RALGAPA2: variants seen among roughly 807,000 people sequenced by gnomAD.
RALGAPA2 encodes the protein Ral GTPase activating protein catalytic subunit alpha 2.
In RALGAPA2, 139 loss-of-function variants were observed where a neutral mutation model predicts 230.4. The observed-to-expected ratio is 0.60, with a 90% CI of 0.53 to 0.69. The LOEUF (loss-of-function observed/expected upper bound fraction) is 0.69, where lower values mean the gene tolerates loss of function less well. Among genes scored for constraint, RALGAPA2 ranks in the 30% least tolerant of loss-of-function variants. RALGAPA2 has a pLI of 0.00. For missense variants in RALGAPA2, 2,163 were observed against 2,276.0 expected (o/e 0.95, Z 1.01); for synonymous variants, 847 against 837.8 (o/e 1.01, Z -0.19).
rs1485249425 is a variant in RALGAPA2 at position 20,620,868 on chromosome 20, C to T, written c.1234-238G>A. On this transcript the variant is annotated intron_variant, in intron 10 of 39. Coordinates refer to ENST00000202677, the MANE Select transcript of RALGAPA2 (RefSeq NM_020343.4). ...TTAAAAATAACTTTTATAGGCCGGGCGCAGTGGCTCACGCCTGTAATCCTA... is the reference window on the plus strand; with the variant it reads ...TTAAAAATAACTTTTATAGGCCGGGTGCAGTGGCTCACGCCTGTAATCCTA... 3.3e-5 allele frequency among the ~76,000 whole-genome samples: 5 copies of T among 152,116 alleles called. No homozygotes were observed. In the South Asian group the frequency reaches 8.3e-4, roughly 25 times the overall value.
intron 11 of RALGAPA2, 136 bp from the exon 12 acceptor site, chr20:20,619,550 G>T (rs2066257784): frequency 2.8e-6 from 2 of 706,324 alleles, no homozygotes; most frequent in South Asian, 6.7e-5. Context: ...AACTCACCAG[G>T]ATTCACATGA....
Position 20,398,039 on chromosome 20 carries a change from C to A in RALGAPA2, c.5618-1305G>T, listed in dbSNP as rs75919165. On this transcript the variant is annotated intron_variant, in intron 38 of 39. Transcript: ENST00000202677. The surrounding 1 kb of genome is among the most constrained non-coding windows in gnomAD (Gnocchi z 4.5). The stretch of plus-strand genomic sequence containing the variant: ...TCCATGGATCCTCGGGATGATTAAT[C>A]ATTTAGATTTCTGATTTCCCCCCAA... Among the ~76,000 whole-genome samples, 824 of 152,248 alleles carry A rather than the reference C, an allele frequency of 5.4e-3. 11 individuals carry two copies. Among genetic ancestry groups the A allele is most frequent in the African/African-American group, 0.019 (783 of 41,550 alleles).
chr20:20,537,779 G>T (rs1602698005), intron 24 of RALGAPA2, among the ~76,000 whole-genome samples: 1 of 152,260 alleles, frequency 6.6e-6, no homozygotes, highest in East Asian at 1.9e-4. Flanking sequence ...AACAATGAAA[G>T]CTCACATTTA....
intron 1 of RALGAPA2, among the ~76,000 whole-genome samples, chr20:20,683,971 T>A (rs2146857643): frequency 6.6e-6 from 1 of 152,348 alleles, no homozygotes; most frequent in East Asian, 1.9e-4. Flanking sequence ...ATGTAACTTC[T>A]GAGCACATGC....
At chr20:20,499,660 G>A (rs1047871117) in intron 35 of RALGAPA2, among the ~76,000 whole-genome samples, 1 of 152,184 alleles carries the variant, frequency 6.6e-6, no homozygotes, top group Non-Finnish European at 1.5e-5. Context: ...CGTGGTCAGC[G>A]CTTCTGGCTG....
intron 37 of RALGAPA2, among the ~76,000 whole-genome samples, chr20:20,432,486 C>T (rs915746524): frequency 1.1e-4 from 17 of 152,152 alleles, no homozygotes; most frequent in Admixed American, 3.3e-4. Context: ...TTTTTCAGCA[C>T]AAATTAAAGG....
At chr20:20,702,329 T>A (rs1295192464) in intron 1 of RALGAPA2, among the ~76,000 whole-genome samples, 2 of 152,070 alleles carry the variant, frequency 1.3e-5, no homozygotes, top group Non-Finnish European at 2.9e-5. Flanking sequence ...GCAAGAGATT[T>A]ATTGGGGTAA....
Position 20,709,908 on chromosome 20 carries a change from A to G in RALGAPA2, c.106+2467T>C, listed in dbSNP as rs576974275. On this transcript the variant is annotated intron_variant, in intron 1 of 39. Transcript: ENST00000202677. ...ACGGAGAAAAATTACCTATCAAAAT[A>G]CTGGTCCTATCCTATTAATGGTGGG... Among the ~76,000 whole-genome samples the G allele has an allele frequency of 2.2e-4, 34 of 152,346 alleles. No individual in the cohort carries two copies. The South Asian group carries it at 6.6e-3, about 30-fold the overall frequency.
intron 10 of RALGAPA2, among the ~76,000 whole-genome samples, chr20:20,623,499 C>CA (rs75858487): frequency 0.087 from 7,189 of 82,642 alleles, 276 homozygotes; most frequent in East Asian, 0.23. Context: ...GATAGGCTTT[C>CA]AAAAAAAAAA....
At chr20:20,569,739 TAGAA>T (rs1171836200) in intron 23 of RALGAPA2, among the ~76,000 whole-genome samples, 2 of 152,004 alleles carry the variant, frequency 1.3e-5, no homozygotes, top group African/African-American at 4.8e-5. Flanking sequence ...CATCTTAAAA[TAGAA>T]AGACAATTCT....
chr20:20,658,212 G>C (rs1333029389), intron 3 of RALGAPA2, among the ~76,000 whole-genome samples: 1 of 152,116 alleles, frequency 6.6e-6, no homozygotes, highest in African/African-American at 2.4e-5. Context: ...TTCCCAAATA[G>C]ACAAAATCTT....
chr20:20,589,150 A>G (rs2065214901), intron 18 of RALGAPA2, 118 bp downstream of exon 18: 1 of 1,365,946 alleles, frequency 7.3e-7, no homozygotes, highest in African/African-American at 1.5e-5. Flanking sequence ...TTGGGCCTAT[A>G]AACTGTCTAA....
chr20:20,440,802 C>A (rs2060722825), intron 37 of RALGAPA2, among the ~76,000 whole-genome samples: 1 of 152,232 alleles, frequency 6.6e-6, no homozygotes, highest in Non-Finnish European at 1.5e-5. Flanking sequence ...ATTAGCTAGC[C>A]ATTCTAGGGT....
intron 1 of RALGAPA2, among the ~76,000 whole-genome samples, chr20:20,681,954 C>T (rs1649100903): frequency 6.6e-6 from 1 of 152,186 alleles, no homozygotes; most frequent in Non-Finnish European, 1.5e-5. Flanking sequence ...AAATGTGTTG[C>T]TCTTCAGTCT....
chr20:20,502,933 A>G (rs2062420046), intron 35 of RALGAPA2, among the ~76,000 whole-genome samples: 1 of 152,162 alleles, frequency 6.6e-6, no homozygotes. Context: ...TTTCCTTTGA[A>G]TTCTAAGGAA....
At chr20:20,546,428 T>C (rs1014178367) in intron 24 of RALGAPA2, among the ~76,000 whole-genome samples, 2 of 152,250 alleles carry the variant, frequency 1.3e-5, no homozygotes, top group East Asian at 3.8e-4. Context: ...AATAATATTC[T>C]AAGAGACAAG....
At chr20:20,606,671 C>T (rs1192782013) in intron 14 of RALGAPA2, among the ~76,000 whole-genome samples, 1 of 152,136 alleles carries the variant, frequency 6.6e-6, no homozygotes, top group Non-Finnish European at 1.5e-5. Flanking sequence ...AAGTGTCCTC[C>T]AGGTCCCTGC....
chr20:20,403,562 G>T (rs1279566521), intron 38 of RALGAPA2, among the ~76,000 whole-genome samples: 1 of 152,130 alleles, frequency 6.6e-6, no homozygotes, highest in Admixed American at 6.5e-5. Context: ...TTTCCTCTGG[G>T]ACTCTCACAT....
At chr20:20,580,871 G>A (rs2064964332) in intron 20 of RALGAPA2, among the ~76,000 whole-genome samples, 1 of 152,186 alleles carries the variant, frequency 6.6e-6, no homozygotes, top group Admixed American at 6.5e-5. Flanking sequence ...TTGATAACTG[G>A]TAGGATTATT....
Sources: allele counts gnomAD v4.1 joint callset (sites outside exome capture counted in the v4.1 genomes callset), GRCh38; gene constraint gnomAD v4.1.1; non-coding constraint Gnocchi (gnomAD v3.1); transcripts MANE v1.5; gene names NCBI Gene and HGNC (gene_info 2026-07-23, HGNC 2026-07-21).